The following NME6 variants were observed in gnomAD, a reference collection of about 807,000 sequenced individuals.
The protein encoded by NME6 is NME/NM23 nucleoside diphosphate kinase 6.
In NME6, 16 loss-of-function variants were observed where a neutral mutation model predicts 22.2. That is an observed-to-expected ratio of 0.72 (90% CI 0.49 to 1.09). The LOEUF is 1.09. Among genes scored for constraint, NME6 ranks in the 50% least tolerant of loss-of-function variants. The pLI is 0.00. For missense variants in NME6, 229 were observed against 239.0 expected, an observed-to-expected ratio of 0.96 and a Z score of 0.28; for synonymous variants, 58 against 85.2, an observed-to-expected ratio of 0.68 and a Z score of 1.76.
downstream of NME6, among the ~76,000 whole-genome samples, chr3:48,290,262 T>A (rs112767595): frequency 3.6e-3 from 547 of 151,228 alleles, 1 homozygote; most frequent in Admixed American, 5.5e-3. Context: ...TAAAAAAAAA[T>A]TTTTTTTTAC....
chr3:48,296,563 G>A (rs2035125654), intron 3 of NME6, among the ~76,000 whole-genome samples, 164 bp downstream of exon 3: 1 of 152,124 alleles, frequency 6.6e-6, no homozygotes, highest in African/African-American at 2.4e-5. Context: ...GGGAAAAGAT[G>A]GATAATCATG....
Position 48,296,755 on chromosome 3 carries a change from A to G in NME6, c.165T>C (p.Asp55=). 2 of 1,613,680 alleles carry G rather than the reference A, an allele frequency of 1.2e-6. No homozygotes were observed. Among genetic ancestry groups the G allele is most frequent in the Non-Finnish European group, 1.7e-6 (2 of 1,179,906 alleles). ...CATGCTCTCGGTAAAACCTCTGGCAATCTTCCTTTCTCCACAGTAGTTCTC... is the reference window on the plus strand; with the variant it reads ...CATGCTCTCGGTAAAACCTCTGGCAGTCTTCCTTTCTCCACAGTAGTTCTC... ...RMRELLWRKE[D]CQRFYREHEG... is the part of the protein sequence containing the mutation. Residue 55 remains aspartate (D), a synonymous_variant, in exon 3 of 6, where the codon GAT becomes GAC. Coordinates refer to ENST00000442597, the MANE Select transcript of NME6 (RefSeq NM_001308426.2).
rs569927913 is a variant in NME6 at position 48,295,737 on chromosome 3, C to A, written c.233+382G>T. On this transcript the variant is annotated intron_variant, in intron 4 of 5. Coordinates refer to ENST00000442597, the MANE Select transcript of NME6 (RefSeq NM_001308426.2). ...TTTGCTGTTGTTGTTGTTTTTGAGA[C>A]GAAGTTTCACTCTTGTTGCCCAGGC... The A allele has an allele frequency of 3.2e-5, 7 of 222,218 alleles. 1 individual carries two copies. The South Asian group carries it at 5.7e-4, about 18-fold the overall frequency. 13.8% of individuals were successfully genotyped at this position (222,218 alleles called of 1,614,324 possible).
In NME6 at chr3:48,295,104, G is replaced by T. The variant is rs368964694; in HGVS notation, c.365C>A (p.Thr122Asn). The stretch of plus-strand genomic sequence containing the variant: ...ACCATGGGTGGTGTTGCGGGTGTCA[G>T]TGAGGCCGAAACTCCCACGGATAGA... ...PDSIRGSFGL[T>N]DTRNTTHGSD... Residue 122 changes from threonine to asparagine, a missense_variant, in exon 5 of 6, where the codon ACT becomes AAT. Thr to Asn is a moderately conservative substitution (Grantham distance 65). Transcript: ENST00000442597. 1 of 1,614,048 alleles carries T rather than the reference G, an allele frequency of 6.2e-7. No individual in the cohort carries two copies. Among genetic ancestry groups the T allele is most frequent in the African/African-American group, 1.3e-5 (1 of 74,920 alleles).
At chr3:48,298,013 C>T (rs1391216417) in intron 2 of NME6, 2 of 243,772 alleles carry the variant, frequency 8.2e-6, no homozygotes, top group African/African-American at 4.7e-5. Context: ...CCCCCAGACC[C>T]TCCAGATAAG....
rs554385284 is a variant in NME6, at chr3:48,295,395, G to C, written c.234-160C>G. The C allele has an allele frequency of 1.7e-5, 13 of 766,194 alleles. No homozygotes were observed. In the South Asian group the frequency reaches 2.3e-4, roughly 13 times the overall value. 47.5% of individuals were successfully genotyped at this position (766,194 alleles called of 1,614,324 possible). On this transcript the variant is annotated intron_variant, in intron 4 of 5. Transcript: ENST00000442597. ...TTCAAATAGGTGATGCAGGGCCCCT[G>C]CTGGTGTACATCAAGCCTGCAGAGA...
chr3:48,298,928 C>A (rs2035417899), intron 1 of NME6: 4 of 702,552 alleles, frequency 5.7e-6, no homozygotes, highest in Admixed American at 2.0e-5. Context: ...ATGATGAATT[C>A]ATCTCTTAAA....
intron 1 of NME6, among the ~76,000 whole-genome samples, chr3:48,299,935 C>T (rs1162233473): frequency 2.0e-5 from 3 of 152,122 alleles, no homozygotes; most frequent in African/African-American, 7.2e-5. Flanking sequence ...ACCTCCCCTC[C>T]CTCACTCTTC....
downstream of NME6, chr3:48,288,667 T>C (rs2034282205): frequency 6.6e-6 from 1 of 151,938 alleles, no homozygotes; most frequent in South Asian, 2.1e-4. Context: ...CTTTCCCCTT[T>C]CTCACTGCTG....
At chr3:48,299,956 G>C (rs115772537) in intron 1 of NME6, among the ~76,000 whole-genome samples, 2 of 151,990 alleles carry the variant, frequency 1.3e-5, no homozygotes, top group African/African-American at 4.8e-5. Flanking sequence ...ATATCCACAC[G>C]ATCACCAACT....
chr3:48,301,303 T>C (rs1481587590), intron 1 of NME6, 50 bp downstream of exon 1: 2 of 1,596,960 alleles, frequency 1.3e-6, no homozygotes, highest in Non-Finnish European at 1.7e-6. Flanking sequence ...CACCCCAGAT[T>C]CTGGGTCATT....
downstream of NME6, among the ~76,000 whole-genome samples, chr3:48,290,534 C>T (rs1444285844): frequency 6.6e-6 from 1 of 152,086 alleles, no homozygotes; most frequent in Non-Finnish European, 1.5e-5. Flanking sequence ...CTATATTCAC[C>T]ACACTGTGCA....
In NME6 at chr3:48,293,166, G is replaced by T. The variant is rs764756735; in HGVS notation, c.*1471C>A. On this transcript the variant is annotated 3_prime_UTR_variant, in exon 6 of 6. Coordinates refer to ENST00000442597, the MANE Select transcript of NME6 (RefSeq NM_001308426.2). The stretch of plus-strand genomic sequence containing the variant: ...TCCAGAATCAGCAGGTGCCCTTATG[G>T]GAAAAGTAGCTCTAAGTCCCAGGCT... 1 of 152,220 alleles carries T rather than the reference G, an allele frequency of 6.6e-6. No individual in the cohort carries two copies. The highest frequency in any genetic ancestry group is 1.5e-5 in the Non-Finnish European group (1 of 68,038). 9.4% of individuals were successfully genotyped at this position (152,220 alleles called of 1,614,324 possible).
In NME6 at chr3:48,294,737, T is replaced by C. The variant is rs1293874758; in HGVS notation, c.461A>G (p.Tyr154Cys). ...FFPDFSEQRW[Y>C]EEEEPQLRCG... is the part of the protein sequence containing the mutation. ...GCGCAACTGGGGCTCTTCCTCCTCA[T>C]ACCAGCGCTGTTCACTGAAGTCAGG... Residue 154 changes from tyrosine (Y) to cysteine (C), a missense_variant, in exon 6 of 6, where the codon TAT becomes TGT. Tyr to Cys is a radical substitution (Grantham distance 194). Coordinates refer to ENST00000442597, the MANE Select transcript of NME6 (RefSeq NM_001308426.2). The C allele has an allele frequency of 6.2e-7, 1 of 1,614,168 alleles. No individual in the cohort carries two copies. Among genetic ancestry groups the C allele is most frequent in the Admixed American group, 1.7e-5 (1 of 60,026 alleles).
chr3:48,300,862 A>C, intron 1 of NME6: 1 of 174,766 alleles, frequency 5.7e-6, no homozygotes, highest in Non-Finnish European at 1.2e-5. Flanking sequence ...CCTGGCCAAC[A>C]TGGTGAAAGC....
At chr3:48,295,344 C>G (rs2034974310) in intron 4 of NME6, 109 bp from the exon 5 acceptor site, 5 of 1,262,632 alleles carry the variant, frequency 4.0e-6, no homozygotes, top group Non-Finnish European at 5.4e-6. Context: ...AGTTTTCCTG[C>G]CTTTCCAGCT....
At chr3:48,298,368 G>C (rs2035327689) in intron 2 of NME6, 59 bp downstream of exon 2, 2 of 1,447,264 alleles carry the variant, frequency 1.4e-6, no homozygotes, top group East Asian at 4.5e-5. Context: ...TGGCCCAATG[G>C]CACCTGAAGC....
intron 1 of NME6, chr3:48,299,109 C>A: frequency 1.6e-6 from 1 of 609,790 alleles, no homozygotes; most frequent in South Asian, 2.0e-5. Context: ...TTAATACACT[C>A]AGCTGTCCTC....
At chr3:48,297,285 C>T (rs904728711) in intron 2 of NME6, among the ~76,000 whole-genome samples, 3 of 152,220 alleles carry the variant, frequency 2.0e-5, no homozygotes, top group African/African-American at 7.2e-5. Context: ...TACTCTGTAC[C>T]AATTCTCTAG....
Sources: gnomAD v4.1 joint callset for allele counts (sites outside exome capture counted in the v4.1 genomes callset) on GRCh38, gnomAD v4.1.1 for gene constraint, MANE v1.5 for transcripts, NCBI Gene and HGNC (gene_info 2026-07-23, HGNC 2026-07-21) for gene names.